ABCA13: variants seen among roughly 807,000 people sequenced by gnomAD.
ABCA13 encodes the protein ATP-binding cassette sub-family A member 13.
Under a neutral mutation model 478.7 loss-of-function variants are expected in ABCA13, and 476 were observed. That is an observed-to-expected ratio of 0.99 (90% CI 0.92 to 1.07). ABCA13 has a LOEUF of 1.07. Ranked by LOEUF, ABCA13 falls within the 50% of genes least tolerant of loss-of-function variation. The pLI is 0.00. For synonymous variants in ABCA13, 2,252 were observed against 2,158.9 expected (o/e 1.04, Z -1.20); for missense variants, 6,060 against 5,910.6 (o/e 1.03, Z -0.83).
In ABCA13 at chr7:48,329,099, C is replaced by A. The variant is rs537003215; in HGVS notation, c.10000-6323C>A. Among the ~76,000 whole-genome samples, 3 of 152,294 alleles carry A rather than the reference C, an allele frequency of 2.0e-5. No individual in the cohort carries two copies. In the East Asian group the frequency reaches 5.8e-4, roughly 29 times the overall value. On this transcript the variant is annotated intron_variant, in intron 27 of 61. Coordinates refer to ENST00000435803, the MANE Select transcript of ABCA13 (RefSeq NM_152701.5). ...AATACAGAATTAATTGAATCAGATA[C>A]AGACTGATCTTCAAGAGAATTTCAG...
In ABCA13 at chr7:48,275,265, C is replaced by T; in HGVS notation, c.5599C>T (p.Gln1867Ter). The T allele has an allele frequency of 6.2e-7, 1 of 1,613,814 alleles. No homozygotes were observed. Among genetic ancestry groups the T allele is most frequent in the South Asian group, 1.1e-5 (1 of 91,066 alleles). ...SILDHFHLSP[Q>*]GEDSPCSNES... is the part of the protein sequence containing the mutation. ...ACTTGATCATTTCCACCTGTCTCCCCAAGGTGAAGATTCACCATGTTCAAA... is the reference window on the plus strand; with the variant it reads ...ACTTGATCATTTCCACCTGTCTCCCTAAGGTGAAGATTCACCATGTTCAAA... The change falls in exon 17 of 62, where the codon CAA (glutamine) becomes TAA (stop). Residue 1867 changes from glutamine (Q) to a stop codon, truncating the protein, a stop_gained. Coordinates refer to ENST00000435803, the MANE Select transcript of ABCA13 (RefSeq NM_152701.5). LOFTEE classifies it high-confidence loss of function.
intron 1 of ABCA13, among the ~76,000 whole-genome samples, chr7:48,173,006 C>T (rs1310789007): frequency 6.6e-6 from 1 of 152,014 alleles, no homozygotes; most frequent in Non-Finnish European, 1.5e-5. Context: ...GAAGTTGGTT[C>T]CCAGGCACTG....
At chr7:48,518,947 C>T (rs994508848) in intron 52 of ABCA13, among the ~76,000 whole-genome samples, 15 of 152,100 alleles carry the variant, frequency 9.9e-5, no homozygotes, top group African/African-American at 2.7e-4. Flanking sequence ...AGCTATTTTT[C>T]GTAATGCTCT....
chr7:48,634,249 CCTTT>C (rs1794443555), intron 59 of ABCA13, among the ~76,000 whole-genome samples: 1 of 151,784 alleles, frequency 6.6e-6, no homozygotes, highest in South Asian at 2.1e-4. Context: ...CTGTAATGTT[CCTTT>C]CTTTTGAGAT....
intron 27 of ABCA13, among the ~76,000 whole-genome samples, chr7:48,329,238 C>G (rs142036402): frequency 6.6e-6 from 1 of 152,154 alleles, no homozygotes; most frequent in Non-Finnish European, 1.5e-5. Flanking sequence ...GAACCAATAA[C>G]GATGCTTCTT....
In ABCA13 at chr7:48,275,811, A is replaced by G; in HGVS notation, c.6145A>G (p.Ser2049Gly). Residue 2049 changes from serine (S) to glycine (G), a missense_variant, in exon 17 of 62, where the codon AGT becomes GGT. By Grantham distance (56) the Ser-to-Gly change is moderately conservative. Around this residue, in one of 3 missense-constraint regions of ABCA13, gnomAD observed 4,423 missense variants for 4,309.1 expected, o/e 1.03. Coordinates refer to ENST00000435803, the MANE Select transcript of ABCA13 (RefSeq NM_152701.5). ...AGCATTATCAAGTTTTATTGAAAAA[A>G]GTGAAACACCTTACAACTTTGAAGA... ...LEALSSFIEK[S>G]ETPYNFEELW... 1 of 1,612,760 alleles carries G rather than the reference A, an allele frequency of 6.2e-7. No individual in the cohort carries two copies. Among genetic ancestry groups the G allele is most frequent in the East Asian group, 2.2e-5 (1 of 44,828 alleles).
At chr7:48,198,104 A>T (rs1352450299) in intron 2 of ABCA13, 133 bp from the exon 3 acceptor site, 5 of 933,238 alleles carry the variant, frequency 5.4e-6, no homozygotes, top group Non-Finnish European at 7.5e-6. Flanking sequence ...CTGAGCCCTT[A>T]GATCTCCTTT....
chr7:48,616,835 A>G (rs1450076997), intron 59 of ABCA13, among the ~76,000 whole-genome samples: 1 of 152,174 alleles, frequency 6.6e-6, no homozygotes, highest in Non-Finnish European at 1.5e-5. Context: ...AGCCTGAGCA[A>G]CATAGTGAGA....
At chr7:48,543,821 A>G (rs1784572111) in intron 55 of ABCA13, among the ~76,000 whole-genome samples, 1 of 151,542 alleles carries the variant, frequency 6.6e-6, no homozygotes, top group Non-Finnish European at 1.5e-5. Context: ...ATGAAGGTAT[A>G]GTAAAGTGGA....
intron 3 of ABCA13, among the ~76,000 whole-genome samples, chr7:48,207,917 A>G (rs1030981130): frequency 6.6e-6 from 1 of 151,948 alleles, no homozygotes; most frequent in African/African-American, 2.4e-5. Flanking sequence ...GTTTTATTCT[A>G]TTAGTTTCAT....
chr7:48,327,339 A>G (rs1804492662), intron 27 of ABCA13, among the ~76,000 whole-genome samples: 2 of 152,194 alleles, frequency 1.3e-5, no homozygotes, highest in South Asian at 4.1e-4. Flanking sequence ...CAAGAATAGC[A>G]TGGGGAAACT....
rs776430304 is a variant in ABCA13 at position 48,455,267 on chromosome 7, G to GC, written c.12798dup (p.Glu4267ArgfsTer23). ...ACTCACACCTGGACATTACCAGCGG[G>GC]CCGAGACCTACTTTTTCAGGTAAGT... On this transcript the variant is annotated frameshift_variant, in exon 43 of 62. Transcript: ENST00000435803. LOFTEE classifies it high-confidence loss of function. 11 of 1,604,476 alleles carry GC rather than the reference G, an allele frequency of 6.9e-6. No homozygotes were observed. The highest frequency in any genetic ancestry group is 8.5e-6 in the Non-Finnish European group (10 of 1,175,506).
At chr7:48,326,884 G>A (rs375473109) in intron 27 of ABCA13, among the ~76,000 whole-genome samples, 48 of 152,228 alleles carry the variant, frequency 3.2e-4, no homozygotes, top group African/African-American at 1.0e-3. Context: ...TTGGAATATC[G>A]GGTTATGATG....
intron 1 of ABCA13, among the ~76,000 whole-genome samples, chr7:48,178,635 A>T (rs1471514902): frequency 6.6e-6 from 1 of 151,914 alleles, no homozygotes; most frequent in East Asian, 1.9e-4. Context: ...AGCTCGCACC[A>T]TTGCACTCCA....
intron 31 of ABCA13, among the ~76,000 whole-genome samples, chr7:48,366,553 G>T (rs1376282066): frequency 6.6e-6 from 1 of 151,990 alleles, no homozygotes; most frequent in Non-Finnish European, 1.5e-5. Context: ...CCAAGATCAG[G>T]CAGCCTTTCT....
rs1320994590 is a variant in ABCA13 at position 48,411,036 on chromosome 7, TTTCTTTC to T, written c.12228+362_12228+368del. ...CTTTCTTTCTTTCTTTCTTTCTTTCTTTCTTTCTTTCTTTTTCTTTCTTTCTTTCTTT... is the reference window on the plus strand; with the variant it reads ...CTTTCTTTCTTTCTTTCTTTCTTTCTTTTCTTTTTCTTTCTTTCTTTCTTT... On this transcript the variant is annotated intron_variant, in intron 40 of 61. Transcript: ENST00000435803. 9.6e-4 allele frequency among the ~76,000 whole-genome samples: 110 copies of T among 114,660 alleles called. 2 individuals are homozygous for T. Among genetic ancestry groups the T allele is most frequent in the Middle Eastern group, 3.9e-3 (1 of 256 alleles). 75.2% of individuals were successfully genotyped at this position (114,660 alleles called of 152,430 possible).
intron 42 of ABCA13, among the ~76,000 whole-genome samples, chr7:48,436,823 TTC>T (rs1822899583): frequency 1.5e-5 from 2 of 136,646 alleles, no homozygotes; most frequent in African/African-American, 5.4e-5. Context: ...TTGTGAATTT[TTC>T]TGTTTTTTTT....
chr7:48,204,448 C>T (rs34978094), intron 3 of ABCA13, among the ~76,000 whole-genome samples: 30,878 of 152,042 alleles, frequency 0.2, 3,384 homozygotes, highest in Middle Eastern at 0.26. Flanking sequence ...TGACCTCAGG[C>T]GATCTGCCCC....
intron 57 of ABCA13, among the ~76,000 whole-genome samples, chr7:48,594,028 A>G (rs1455398023): frequency 3.9e-5 from 6 of 151,918 alleles, no homozygotes; most frequent in Non-Finnish European, 7.4e-5. Flanking sequence ...TCAGTGAATA[A>G]TTTGTTGGGT....
Sources: gnomAD v4.1 joint callset for allele counts (sites outside exome capture counted in the v4.1 genomes callset) on GRCh38, gnomAD v4.1.1 for gene constraint, gnomAD v4.1.1 regional missense constraint, MANE v1.5 for transcripts, NCBI Gene and HGNC (gene_info 2026-07-23, HGNC 2026-07-21) for gene names.